STAC: variants seen among roughly 807,000 people sequenced by gnomAD.
STAC encodes the protein SH3 and cysteine rich domain.
Under a neutral mutation model 48.8 loss-of-function variants are expected in STAC, and 43 were observed. That is an observed-to-expected ratio of 0.88 (90% confidence interval 0.69 to 1.14). The LOEUF (loss-of-function observed/expected upper bound fraction) is 1.14. Ranked by LOEUF, STAC falls within the 50% of genes most tolerant of loss-of-function variation. The pLI is 0.00. For synonymous variants in STAC, 193 were observed against 179.5 expected (o/e 1.07, Z -0.60); for missense variants, 497 against 504.0 (o/e 0.99, Z 0.13).
chr3:36,477,101 T>A (rs956019470), intron 2 of STAC, among the ~76,000 whole-genome samples: 3 of 152,178 alleles, frequency 2.0e-5, no homozygotes, highest in South Asian at 2.1e-4. Context: ...TTTTAAAAAA[T>A]TTTTTCTTAA....
rs149349395 is a variant in STAC, at chr3:36,491,015, A to G, written c.688-2136A>G. ...GGGAGACAAAGACAAACCAAATTGT[A>G]CTTAAAGATCTGTCACTTCACTCTT... On this transcript the variant is annotated intron_variant, in intron 5 of 10. Transcript: ENST00000273183. 2.1e-3 allele frequency among the ~76,000 whole-genome samples: 315 copies of G among 152,342 alleles called. 10 individuals are homozygous for G. The East Asian group carries it at 0.049, about 24-fold the overall frequency.
chr3:36,547,021 G>A lies in STAC; in HGVS notation c.*732G>A, dbSNP rs749489969. The stretch of plus-strand genomic sequence containing the variant: ...TGGCCTGGGTGACAGAGCAGGACAT[G>A]AGACATAGATACAGTGGGGAGGAGA... On this transcript the variant is annotated 3_prime_UTR_variant, in exon 11 of 11. Transcript: ENST00000273183. The A allele has an allele frequency of 6.6e-6, 1 of 152,452 alleles. No homozygotes were observed. Among genetic ancestry groups the A allele is most frequent in the African/African-American group, 2.4e-5 (1 of 41,466 alleles). 9.4% of individuals were successfully genotyped at this position (152,452 alleles called of 1,614,324 possible). A position where few individuals can be genotyped will look rare whatever the true frequency, so the allele number is the denominator to read the frequency against.
chr3:36,502,941 CAAG>C (rs1287490642), intron 6 of STAC, among the ~76,000 whole-genome samples: 1 of 152,050 alleles, frequency 6.6e-6, no homozygotes, highest in African/African-American at 2.4e-5. Context: ...AACTATAAGC[CAAG>C]AAGAATAGAT....
chr3:36,469,768 TA>T (rs1697275421), intron 2 of STAC, among the ~76,000 whole-genome samples: 2 of 151,796 alleles, frequency 1.3e-5, no homozygotes, highest in Admixed American at 1.3e-4. Context: ...ATTTTTTTTT[TA>T]TTTTTTTTTA....
At chr3:36,532,550 C>T (rs1381879776) in intron 10 of STAC, among the ~76,000 whole-genome samples, 2 of 152,168 alleles carry the variant, frequency 1.3e-5, no homozygotes, top group Non-Finnish European at 2.9e-5. Flanking sequence ...CACTTGCCTG[C>T]ACACTCCCCA....
chr3:36,409,391 G>C (rs187761254), intron 1 of STAC: 4 of 152,228 alleles, frequency 2.6e-5, no homozygotes, highest in Admixed American at 2.6e-4. Flanking sequence ...TCATGCTCAG[G>C]CTCCATTAGC....
chr3:36,397,377 T>C (rs1195517026), intron 1 of STAC, among the ~76,000 whole-genome samples: 1 of 152,200 alleles, frequency 6.6e-6, no homozygotes, highest in Non-Finnish European at 1.5e-5. Flanking sequence ...CTAATTAACA[T>C]TGAAGAAATA....
chr3:36,489,921 G>A (rs1291983024), intron 5 of STAC, among the ~76,000 whole-genome samples: 2 of 152,172 alleles, frequency 1.3e-5, no homozygotes, highest in African/African-American at 4.8e-5. Flanking sequence ...GCATCACCTG[G>A]AAACTTGTTA....
chr3:36,392,533 CTTAT>C (rs1352797997), intron 1 of STAC, among the ~76,000 whole-genome samples: 3 of 151,810 alleles, frequency 2.0e-5, no homozygotes, highest in East Asian at 1.9e-4. Context: ...TATTTACTTA[CTTAT>C]TTATTTATTT....
intron 10 of STAC, among the ~76,000 whole-genome samples, chr3:36,531,303 C>T (rs1280925683): frequency 6.6e-6 from 1 of 152,004 alleles, no homozygotes; most frequent in Admixed American, 6.5e-5. Flanking sequence ...GAGTGATATT[C>T]ATGATGGTAA....
chr3:36,446,447 C>A (rs1295224132), intron 2 of STAC, among the ~76,000 whole-genome samples: 1 of 152,214 alleles, frequency 6.6e-6, no homozygotes. Flanking sequence ...ACTTCCTCCA[C>A]CAAGCAGATC....
chr3:36,464,864 T>C (rs56222032), intron 2 of STAC, among the ~76,000 whole-genome samples: 4,711 of 152,022 alleles, frequency 0.031, 219 homozygotes, highest in African/African-American at 0.11. Context: ...TATCCACTAG[T>C]TGATTGATGG....
intron 2 of STAC, among the ~76,000 whole-genome samples, chr3:36,474,832 G>A (rs1697446642): frequency 6.6e-6 from 1 of 152,140 alleles, no homozygotes; most frequent in South Asian, 2.1e-4. Flanking sequence ...TATTAATAAA[G>A]CGAGGAAGCA....
chr3:36,543,715 A>C (rs1699380916), intron 10 of STAC, among the ~76,000 whole-genome samples: 1 of 152,144 alleles, frequency 6.6e-6, no homozygotes, highest in Non-Finnish European at 1.5e-5. Context: ...ATGCTCTGAA[A>C]ATGACCCAAA....
chr3:36,403,757 G>A (rs778390304), intron 1 of STAC, among the ~76,000 whole-genome samples: 15 of 151,944 alleles, frequency 9.9e-5, no homozygotes, highest in Non-Finnish European at 1.5e-4. Context: ...AAACTCAGAG[G>A]GGCATCAAAC....
At chr3:36,483,815 G>A (rs974860185) in intron 3 of STAC, among the ~76,000 whole-genome samples, 9 of 152,186 alleles carry the variant, frequency 5.9e-5, no homozygotes, top group Non-Finnish European at 1.2e-4. Flanking sequence ...GCTGAGTGTG[G>A]TGGTGTGTGC....
chr3:36,431,324 C>G (rs958451710), intron 1 of STAC, among the ~76,000 whole-genome samples: 9 of 152,334 alleles, frequency 5.9e-5, no homozygotes, highest in Middle Eastern at 3.4e-3. Context: ...TTTCTCCCCA[C>G]TGTCACACAG....
At chr3:36,392,061 A>C (rs541039079) in intron 1 of STAC, among the ~76,000 whole-genome samples, 197 of 152,248 alleles carry the variant, frequency 1.3e-3, no homozygotes, top group African/African-American at 4.3e-3. Flanking sequence ...ACTCTGTTTT[A>C]TCAGAACAAG....
intron 1 of STAC, among the ~76,000 whole-genome samples, chr3:36,415,797 C>T (rs1700306631): frequency 6.6e-6 from 1 of 152,154 alleles, no homozygotes; most frequent in Admixed American, 6.5e-5. Context: ...TTGTGTGTGA[C>T]ACAAGGAGAA....
Sources: gnomAD v4.1 joint callset for allele counts (sites outside exome capture counted in the v4.1 genomes callset) on GRCh38, gnomAD v4.1.1 for gene constraint, MANE v1.5 for transcripts, NCBI Gene and HGNC (gene_info 2026-07-23, HGNC 2026-07-21) for gene names.